The following ICA1 variants were observed in gnomAD, a reference collection of about 807,000 sequenced individuals.
ICA1 encodes the protein 69 kDa islet cell autoantigen.
In ICA1, 40 loss-of-function variants were observed where a neutral mutation model predicts 71.0. The observed-to-expected ratio is 0.56, with a 90% CI of 0.44 to 0.73. The LOEUF (loss-of-function observed/expected upper bound fraction) is 0.73, where lower values mean the gene tolerates loss of function less well. Ranked by LOEUF, ICA1 falls within the 30% of genes least tolerant of loss-of-function variation. ICA1 has a pLI of 0.00. For synonymous variants in ICA1, 207 were observed against 209.5 expected (o/e 0.99, Z 0.10); for missense variants, 578 against 576.5 (o/e 1.00, Z -0.03).
chr7:8,225,158 G>A (rs1163331098), intron 4 of ICA1, among the ~76,000 whole-genome samples: 1 of 152,162 alleles, frequency 6.6e-6, no homozygotes, highest in Non-Finnish European at 1.5e-5. Flanking sequence ...ACACTCTTCA[G>A]TGAATCTCAC....
At chr7:8,151,304 G>A (rs1015160076) in intron 8 of ICA1, among the ~76,000 whole-genome samples, 113 of 152,212 alleles carry the variant, frequency 7.4e-4, no homozygotes, top group African/African-American at 2.5e-3. Flanking sequence ...AGCTGCCTGG[G>A]AGAACCAATG....
chr7:8,144,099 A>C lies in ICA1; in HGVS notation c.805-127T>G. On this transcript the variant is annotated intron_variant, in intron 8 of 13. Coordinates refer to ENST00000402384, the MANE Select transcript of ICA1 (RefSeq NM_001136020.3). The surrounding 1 kb of genome is among the most constrained non-coding windows in gnomAD (Gnocchi z 4.5). The stretch of plus-strand genomic sequence containing the variant: ...ATTTGTCCCAGCAACCAAACTTTGA[A>C]TTACAGGTATTGGGAGGTGACCTTG... The C allele has an allele frequency of 1.6e-6, 1 of 626,408 alleles. No individual in the cohort carries two copies. Among genetic ancestry groups the C allele is most frequent in the Non-Finnish European group, 2.8e-6 (1 of 358,922 alleles). 38.8% of individuals were successfully genotyped at this position (626,408 alleles called of 1,614,324 possible).
chr7:8,256,849 C>A (rs1241082711), intron 1 of ICA1, among the ~76,000 whole-genome samples: 1 of 152,204 alleles, frequency 6.6e-6, no homozygotes, highest in East Asian at 1.9e-4. Context: ...TAATTATGTT[C>A]TACCACTTAC....
At chr7:8,261,649 C>T (rs560055851) in intron 1 of ICA1, among the ~76,000 whole-genome samples, 2 of 151,932 alleles carry the variant, frequency 1.3e-5, no homozygotes, top group Non-Finnish European at 2.9e-5. Context: ...GGCGCCGCGG[C>T]AGGTGAACTT....
At chr7:8,195,074 T>C (rs1434633167) in intron 6 of ICA1, among the ~76,000 whole-genome samples, 5 of 152,228 alleles carry the variant, frequency 3.3e-5, no homozygotes, top group African/African-American at 1.2e-4. Context: ...TATGAATAGA[T>C]ACTTCACCAA....
At chr7:8,217,101 C>T (rs550075556) in intron 6 of ICA1, among the ~76,000 whole-genome samples, 2 of 152,288 alleles carry the variant, frequency 1.3e-5, no homozygotes, top group East Asian at 3.9e-4. Flanking sequence ...TGATTTTTCT[C>T]TTCTATAAGA....
Position 8,125,152 on chromosome 7 carries a change from A to G in ICA1, c.1330+2721T>C, listed in dbSNP as rs536451513. ...AGAGGAAATAAAACTTCTAGCAGAC[A>G]GAATGACCCTTTTAAATAGGAAATC... is the stretch of plus-strand genomic sequence containing the variant. On this transcript the variant is annotated intron_variant, in intron 13 of 13. Coordinates refer to ENST00000402384, the MANE Select transcript of ICA1 (RefSeq NM_001136020.3). 1.3e-3 allele frequency among the ~76,000 whole-genome samples: 192 copies of G among 152,342 alleles called. 1 individual carries two copies. The highest frequency in any genetic ancestry group is 4.3e-3 in the African/African-American group (180 of 41,580).
intron 6 of ICA1, among the ~76,000 whole-genome samples, chr7:8,206,222 C>T (rs1180766933): frequency 6.6e-6 from 1 of 152,168 alleles, no homozygotes; most frequent in Non-Finnish European, 1.5e-5. Context: ...CATCTTCCTT[C>T]CTGCTATTTG....
At chr7:8,239,475 G>A (rs1238096124) in intron 1 of ICA1, among the ~76,000 whole-genome samples, 1 of 152,192 alleles carries the variant, frequency 6.6e-6, no homozygotes, top group Non-Finnish European at 1.5e-5. Context: ...AGCTCCCAGC[G>A]TGGCTGACGC....
At chr7:8,261,779 C>T (rs943035884) in intron 1 of ICA1, among the ~76,000 whole-genome samples, 3 of 152,240 alleles carry the variant, frequency 2.0e-5, no homozygotes, top group South Asian at 4.1e-4. Flanking sequence ...GCATGGGTGC[C>T]GGTGCTCCCA....
intron 7 of ICA1, chr7:8,157,433 C>CCCA (rs1802035267): frequency 2.0e-6 from 1 of 505,796 alleles, no homozygotes; most frequent in Admixed American, 3.8e-5. Context: ...TCATGCTGCT[C>CCCA]CCACCACCTG....
chr7:8,176,330 C>T (rs1056023512), intron 6 of ICA1, among the ~76,000 whole-genome samples: 4 of 152,258 alleles, frequency 2.6e-5, no homozygotes, highest in Non-Finnish European at 4.4e-5. Flanking sequence ...TTAATTCTCA[C>T]TCATCTTTTA....
chr7:8,127,041 C>G (rs1324371936), intron 13 of ICA1, among the ~76,000 whole-genome samples: 1 of 151,210 alleles, frequency 6.6e-6, no homozygotes, highest in Non-Finnish European at 1.5e-5. Flanking sequence ...GTGGCACAAT[C>G]TTGGCTCACT....
At chr7:8,171,102 G>C (rs185119961) in intron 6 of ICA1, among the ~76,000 whole-genome samples, 1 of 151,782 alleles carries the variant, frequency 6.6e-6, no homozygotes, top group African/African-American at 2.4e-5. Flanking sequence ...CTTGTAGTTT[G>C]CTTTTCTTAT....
intron 6 of ICA1, among the ~76,000 whole-genome samples, chr7:8,188,289 T>TAAGTTTCA (rs1784500442): frequency 6.6e-6 from 1 of 152,226 alleles, no homozygotes; most frequent in Non-Finnish European, 1.5e-5. Flanking sequence ...ATTTGGTTTC[T>TAAGTTTCA]AAGTTTCATC....
chr7:8,149,942 C>T (rs570776276), intron 8 of ICA1, among the ~76,000 whole-genome samples: 6 of 152,276 alleles, frequency 3.9e-5, no homozygotes, highest in East Asian at 1.9e-4. Context: ...TTAGCACATA[C>T]GTACTCTCTT....
chr7:8,137,476 G>A (rs140826510), intron 12 of ICA1, among the ~76,000 whole-genome samples: 1,791 of 152,178 alleles, frequency 0.012, 33 homozygotes, highest in African/African-American at 0.041. Context: ...CCTGACTTTG[G>A]TAAGAATAAA....
rs369418581 is a variant in ICA1, at chr7:8,224,944, A to G, written c.257-3546T>C. Among the ~76,000 whole-genome samples the G allele has an allele frequency of 2.8e-3, 421 of 152,366 alleles. 4 individuals are homozygous for G. Among genetic ancestry groups the G allele is most frequent in the African/African-American group, 9.4e-3 (391 of 41,594 alleles). ...TGGTGAAGTGTCTTTCTTAGTGCAC[A>G]GCATCAGAGGTTACATGACATCAGT... On this transcript the variant is annotated intron_variant, in intron 4 of 13. Transcript: ENST00000402384.
chr7:8,186,422 T>C (rs1385179606), intron 6 of ICA1, among the ~76,000 whole-genome samples: 2 of 152,192 alleles, frequency 1.3e-5, no homozygotes, highest in Non-Finnish European at 2.9e-5. Flanking sequence ...TGTGTGGTTC[T>C]GAACGACAGG....
Sources: gnomAD v4.1 joint callset for allele counts (sites outside exome capture counted in the v4.1 genomes callset) on GRCh38, gnomAD v4.1.1 for gene constraint, Gnocchi (gnomAD v3.1) non-coding constraint, MANE v1.5 for transcripts, NCBI Gene and HGNC (gene_info 2026-07-23, HGNC 2026-07-21) for gene names.